The following CNKSR2 variants were observed in gnomAD, a reference collection of about 807,000 sequenced individuals.
The protein encoded by CNKSR2 is CNK homolog protein 2.
CNKSR2 carries 14 observed loss-of-function variants against 84.4 expected under a neutral mutation model. That is an observed-to-expected ratio of 0.17 (90% CI 0.11 to 0.26). The LOEUF (loss-of-function observed/expected upper bound fraction) is 0.26. Among genes scored for constraint, CNKSR2 ranks in the 10% least tolerant of loss-of-function variants. CNKSR2 has a pLI of 1.00. For synonymous variants in CNKSR2, 275 were observed against 277.9 expected (o/e 0.99, Z 0.10); for missense variants, 485 against 771.2 (o/e 0.63, Z 4.40).
At chrX:21,612,519 G>A (rs1022452001) in intron 20 of CNKSR2, among the ~76,000 whole-genome samples, 2 of 112,177 alleles carry the variant, frequency 1.8e-5, no homozygotes, top group African/African-American at 3.2e-5. Context: ...AGTTCCAAAC[G>A]TTTTTCTCAG....
intron 7 of CNKSR2, among the ~76,000 whole-genome samples, chrX:21,501,251 A>G (rs1242022951): frequency 1.8e-5 from 2 of 110,715 alleles, no homozygotes; most frequent in African/African-American, 6.5e-5. Context: ...TCTATATATT[A>G]TTTTGCATTT....
chrX:21,480,466 C>A (rs1481629539), intron 5 of CNKSR2, among the ~76,000 whole-genome samples: 1 of 112,129 alleles, frequency 8.9e-6, no homozygotes, highest in Non-Finnish European at 1.9e-5. Flanking sequence ...TATGTCCAGT[C>A]TGTTCTTTTT....
chrX:21,416,073 T>C (rs1332338173), intron 1 of CNKSR2, among the ~76,000 whole-genome samples: 1 of 111,248 alleles, frequency 9.0e-6, no homozygotes, highest in Non-Finnish European at 1.9e-5. Flanking sequence ...ATACTAGCTG[T>C]GGGACTGCCA....
At chrX:21,532,471 TA>T (rs2091894828) in intron 11 of CNKSR2, among the ~76,000 whole-genome samples, 1 of 110,806 alleles carries the variant, frequency 9.0e-6, no homozygotes, top group Admixed American at 9.7e-5. Flanking sequence ...TCAGGGATTT[TA>T]AGAAATATAA....
At chrX:21,611,297 C>G (rs1381396416) in intron 20 of CNKSR2, among the ~76,000 whole-genome samples, 5 of 112,565 alleles carry the variant, frequency 4.4e-5, no homozygotes, top group Non-Finnish European at 7.5e-5. Context: ...CTTTTACAAA[C>G]ATTGGAGAAA....
chrX:21,601,575 C>T (rs1028285430), intron 18 of CNKSR2, among the ~76,000 whole-genome samples: 1 of 111,569 alleles, frequency 9.0e-6, no homozygotes, highest in African/African-American at 3.3e-5. Context: ...CCCCTCCTCC[C>T]ATCTCTTTCC....
chrX:21,551,057 C>G (rs1462635828), intron 11 of CNKSR2, among the ~76,000 whole-genome samples: 1 of 110,144 alleles, frequency 9.1e-6, no homozygotes, highest in African/African-American at 3.3e-5. Context: ...GAGTTTATGT[C>G]CTTTGCAGGG....
intron 18 of CNKSR2, among the ~76,000 whole-genome samples, chrX:21,605,568 CAA>C (rs2092511658): frequency 8.9e-6 from 1 of 111,925 alleles, no homozygotes; most frequent in Non-Finnish European, 1.9e-5. Context: ...CTATACTTTA[CAA>C]AAGAGTCCCA....
chrX:21,464,241 C>T (rs7054259), intron 4 of CNKSR2, among the ~76,000 whole-genome samples: 4 of 111,528 alleles, frequency 3.6e-5, no homozygotes, highest in Non-Finnish European at 7.5e-5. Flanking sequence ...GCTATAACAA[C>T]GTCAGAGCTG....
At chrX:21,425,406 G>T (rs1391106084) in intron 1 of CNKSR2, 1 of 111,707 alleles carries the variant, frequency 9.0e-6, no homozygotes, top group East Asian at 2.8e-4. Flanking sequence ...AGACATCTGT[G>T]GCCTTATACT....
At chrX:21,634,836 A>G (rs931808494) in intron 20 of CNKSR2, among the ~76,000 whole-genome samples, 5 of 108,086 alleles carry the variant, frequency 4.6e-5, no homozygotes, top group African/African-American at 1.7e-4. Flanking sequence ...CTAGACCTGT[A>G]GGACAAAAGT....
chrX:21,451,476 A>G (rs2090927950), intron 4 of CNKSR2, among the ~76,000 whole-genome samples: 1 of 110,293 alleles, frequency 9.1e-6, no homozygotes, highest in Non-Finnish European at 1.9e-5. Context: ...AGACTGGATT[A>G]AGAAAATGTG....
chrX:21,389,396 A>G (rs1288591855), intron 1 of CNKSR2, among the ~76,000 whole-genome samples: 1 of 110,571 alleles, frequency 9.0e-6, no homozygotes, highest in Non-Finnish European at 1.9e-5. Flanking sequence ...GGTGAAGAGT[A>G]TACAGGAACT....
At chrX:21,497,918 A>G (rs2091518550) in intron 7 of CNKSR2, 72 bp downstream of exon 7, 1 of 533,627 alleles carries the variant, frequency 1.9e-6, no homozygotes, top group African/African-American at 2.3e-5. Context: ...TATATCTCAC[A>G]TGATTGAGGT....
intron 20 of CNKSR2, chrX:21,645,523 G>A (rs935857285): frequency 1.3e-4 from 14 of 111,890 alleles, no homozygotes; most frequent in Non-Finnish European, 1.9e-5. Flanking sequence ...TCCTATATAT[G>A]TCCTGTGATT....
intron 21 of CNKSR2, among the ~76,000 whole-genome samples, chrX:21,650,210 T>C (rs1194121864): frequency 1.8e-5 from 2 of 110,520 alleles, no homozygotes; most frequent in Non-Finnish European, 3.8e-5. Flanking sequence ...ATAAAGAAAA[T>C]GTGGCACATA....
chrX:21,475,897 T>C (rs1024433164), intron 5 of CNKSR2, among the ~76,000 whole-genome samples: 1 of 111,267 alleles, frequency 9.0e-6, no homozygotes, highest in Admixed American at 9.6e-5. Context: ...AATCTGAAAA[T>C]ACTAAACCAA....
chrX:21,474,535 A>G (rs1180431325), intron 5 of CNKSR2, among the ~76,000 whole-genome samples: 3 of 111,980 alleles, frequency 2.7e-5, no homozygotes, highest in African/African-American at 9.8e-5. Context: ...CATTGGTCAA[A>G]GCTTGCTCCT....
At chrX:21,399,009 G>A (rs1468466601) in intron 1 of CNKSR2, among the ~76,000 whole-genome samples, 2 of 108,029 alleles carry the variant, frequency 1.9e-5, no homozygotes, top group Non-Finnish European at 3.8e-5. Flanking sequence ...GACCCTTAAT[G>A]TTTTTTCCTG....
Sources: gnomAD v4.1 joint callset for allele counts (sites outside exome capture counted in the v4.1 genomes callset) on GRCh38, gnomAD v4.1.1 for gene constraint, MANE v1.5 for transcripts, NCBI Gene and HGNC (gene_info 2026-07-23, HGNC 2026-07-21) for gene names.